THOC2: variants seen among roughly 807,000 people sequenced by gnomAD.
THOC2 encodes THO complex subunit 2, also known as THO complex 2.
In THOC2, 10 loss-of-function variants were observed where a neutral mutation model predicts 128.4. The observed-to-expected ratio is 0.08, with a 90% CI of 0.05 to 0.13. The LOEUF is 0.13. THOC2 is among the 10% of genes least tolerant of loss of function. The probability of loss-of-function intolerance (pLI) is 1.00; values close to 1 mark genes in which losing one functional copy is unlikely to be tolerated. For missense variants in THOC2, 535 were observed against 1,155.7 expected (o/e 0.46, Z 7.79); for synonymous variants, 393 against 396.9 (o/e 0.99, Z 0.12).
In THOC2 at chrX:123,631,688, C is replaced by T. The variant is rs1002708082; in HGVS notation, c.2481G>A (p.Ser827=). The change falls in exon 22 of 39, where the codon TCG becomes TCA. Residue 827 remains serine (S), a splice_region_variant and synonymous_variant. Transcript: ENST00000245838. The part of the protein sequence containing the change: ...LSRPMYAHHI[S]SKYDELKKSE... ...CGGCAGCAAAGACACTTGTACTTAC[C>T]GAAATATGATGGGCATACATTGGCC... 10 of 1,205,641 alleles carry T rather than the reference C, an allele frequency of 8.3e-6. No homozygotes were observed. The African/African-American group carries it at 1.6e-4, about 19-fold the overall frequency.
At chrX:123,638,657 T>C (rs773841347) in intron 17 of THOC2, among the ~76,000 whole-genome samples, 1 of 107,352 alleles carries the variant, frequency 9.3e-6, no homozygotes, top group Non-Finnish European at 1.9e-5. Flanking sequence ...AAAGTCTGTC[T>C]CACACACACA....
chrX:123,726,957 T>C (rs754290584), intron 1 of THOC2, among the ~76,000 whole-genome samples: 1 of 111,833 alleles, frequency 8.9e-6, no homozygotes, highest in African/African-American at 3.2e-5. Context: ...CCCAGCACTT[T>C]GGGAGGCTGA....
chrX:123,652,895 G>C (rs895156424), intron 12 of THOC2, among the ~76,000 whole-genome samples: 7 of 111,730 alleles, frequency 6.3e-5, no homozygotes, highest in Non-Finnish European at 1.3e-4. Context: ...AGCTACCAGT[G>C]ACTTTTTTCA....
intron 36 of THOC2, 140 bp from the exon 37 acceptor site, chrX:123,611,656 G>GA (rs1056883312): frequency 2.1e-5 from 8 of 382,367 alleles, no homozygotes; most frequent in Non-Finnish European, 3.6e-5. Context: ...GCAACAAAAG[G>GA]AAAAAAATAG....
intron 15 of THOC2, among the ~76,000 whole-genome samples, chrX:123,642,002 T>C (rs2047933499): frequency 8.9e-6 from 1 of 112,480 alleles, no homozygotes; most frequent in South Asian, 3.6e-4. Flanking sequence ...ATTCTGCACA[T>C]ACTATTCTGT....
intron 12 of THOC2, among the ~76,000 whole-genome samples, chrX:123,648,514 A>T (rs2048223871): frequency 8.9e-6 from 1 of 112,051 alleles, no homozygotes; most frequent in South Asian, 3.7e-4. Flanking sequence ...CAAGTGGTCT[A>T]GCTCAGCAGA....
chrX:123,626,194 T>C (rs1464420345), intron 24 of THOC2, 125 bp from the exon 25 acceptor site: 2 of 481,407 alleles, frequency 4.2e-6, no homozygotes, highest in Non-Finnish European at 6.7e-6. Context: ...ATTTATAGTT[T>C]GTAACCAAAT....
intron 22 of THOC2, among the ~76,000 whole-genome samples, chrX:123,630,697 G>C (rs2147632446): frequency 9.1e-6 from 1 of 109,554 alleles, no homozygotes; most frequent in South Asian, 4.0e-4. Flanking sequence ...GTTTATAGAG[G>C]GGACATAGCA....
At chrX:123,699,650 C>T (rs185988962) in intron 4 of THOC2, among the ~76,000 whole-genome samples, 2 of 111,206 alleles carry the variant, frequency 1.8e-5, no homozygotes, top group African/African-American at 6.5e-5. Flanking sequence ...ATCTACCTCT[C>T]AAGGTCCCTA....
intron 8 of THOC2, among the ~76,000 whole-genome samples, chrX:123,686,096 A>G (rs1039030105): frequency 8.9e-6 from 1 of 111,756 alleles, no homozygotes; most frequent in East Asian, 2.8e-4. Flanking sequence ...TCTGAAGTAC[A>G]CATACCTTCC....
intron 15 of THOC2, among the ~76,000 whole-genome samples, chrX:123,642,360 G>A (rs1195813456): frequency 9.3e-6 from 1 of 107,913 alleles, no homozygotes; most frequent in African/African-American, 3.4e-5. Flanking sequence ...AGGAGGCGGA[G>A]GTTGCAGTGA....
At chrX:123,676,687 A>T (rs1384661411) in intron 8 of THOC2, among the ~76,000 whole-genome samples, 1 of 111,572 alleles carries the variant, frequency 9.0e-6, no homozygotes, top group Non-Finnish European at 1.9e-5. Flanking sequence ...TCATTTTGCA[A>T]CAATATTAGC....
At chrX:123,613,878 G>A (rs1180425596) in intron 34 of THOC2, among the ~76,000 whole-genome samples, 170 bp from the exon 35 acceptor site, 4 of 111,037 alleles carry the variant, frequency 3.6e-5, no homozygotes, top group African/African-American at 1.3e-4. Flanking sequence ...GAGATTACTA[G>A]GCTGAAGATC....
chrX:123,675,261 T>C (rs760340210), intron 8 of THOC2, among the ~76,000 whole-genome samples: 1 of 111,775 alleles, frequency 8.9e-6, no homozygotes, highest in East Asian at 2.8e-4. Flanking sequence ...TTTTTATCTC[T>C]TTATGGATGT....
chrX:123,641,738 T>G (rs1192415063), intron 15 of THOC2, among the ~76,000 whole-genome samples: 1 of 111,678 alleles, frequency 9.0e-6, no homozygotes, highest in African/African-American at 3.3e-5. Flanking sequence ...AATATTTTCT[T>G]GTCTTTGTCT....
chrX:123,635,120 C>G (rs1170739851), intron 19 of THOC2, among the ~76,000 whole-genome samples: 2 of 110,933 alleles, frequency 1.8e-5, no homozygotes, highest in Non-Finnish European at 3.8e-5. Flanking sequence ...TTAAAGAAAG[C>G]CCTCATGAAA....
chrX:123,649,280 G>C (rs757818030), intron 12 of THOC2, among the ~76,000 whole-genome samples: 1 of 111,541 alleles, frequency 9.0e-6, no homozygotes, highest in Non-Finnish European at 1.9e-5. Flanking sequence ...CCAACAAATA[G>C]GATGTCCACA....
At chrX:123,691,569 T>C (rs182229750) in intron 7 of THOC2, among the ~76,000 whole-genome samples, 13 of 111,923 alleles carry the variant, frequency 1.2e-4, no homozygotes, top group Non-Finnish European at 2.3e-4. Flanking sequence ...CTCTGGTCAC[T>C]TGAGAGACTG....
intron 15 of THOC2, among the ~76,000 whole-genome samples, chrX:123,643,127 G>C (rs918050711): frequency 9.0e-6 from 1 of 111,366 alleles, no homozygotes; most frequent in Non-Finnish European, 1.9e-5. Flanking sequence ...AGGAAGGTAA[G>C]GGAAAACCTG....
Sources: gnomAD v4.1 joint callset for allele counts (sites outside exome capture counted in the v4.1 genomes callset) on GRCh38, gnomAD v4.1.1 for gene constraint, MANE v1.5 for transcripts, NCBI Gene and HGNC (gene_info 2026-07-23, HGNC 2026-07-21) for gene names.